CARD18: variants seen among roughly 807,000 people sequenced by gnomAD.
CARD18 encodes the protein caspase recruitment domain-containing protein 18.
In CARD18, 7 loss-of-function variants were observed where a neutral mutation model predicts 7.9. That is an observed-to-expected ratio of 0.88 (90% confidence interval 0.50 to 1.66). CARD18 has a LOEUF of 1.66. Ranked by LOEUF, CARD18 falls within the 40% of genes most tolerant of loss-of-function variation. The probability of loss-of-function intolerance (pLI) is 0.00; values close to 1 mark genes in which losing one functional copy is unlikely to be tolerated. For missense variants in CARD18, 134 were observed against 105.5 expected, an observed-to-expected ratio of 1.27 and a Z score of -1.18; for synonymous variants, 34 against 34.8, an observed-to-expected ratio of 0.98 and a Z score of 0.08.
At chr11:105,139,688 T>C (rs892540807) in intron 1 of CARD18, 32 bp downstream of exon 1, 4 of 1,598,178 alleles carry the variant, frequency 2.5e-6, no homozygotes, top group South Asian at 1.1e-5. Flanking sequence ...AATTCCTCCC[T>C]AAGACCTATC....
At position 105,139,649 on chromosome 11, in the gene CARD18, T is replaced by C. The variant is rs529881651; in HGVS notation, c.7+71A>G. The stretch of plus-strand genomic sequence containing the variant: ...TGCCCACACAAACCTTCACAAAGCC[T>C]AATGAGAAAGGCAGTCCTTTCCCAA... On this transcript the variant is annotated intron_variant, in intron 1 of 2. Transcript: ENST00000530950. 37 of 1,543,824 alleles carry C rather than the reference T, an allele frequency of 2.4e-5. No individual in the cohort carries two copies. The African/African-American group carries it at 3.5e-4, about 15-fold the overall frequency.
Position 105,138,116 on chromosome 11 carries a change from TG to T in CARD18, c.*2-19del, listed in dbSNP as rs984292414. 6.6e-6 allele frequency: 1 copy of T among 152,022 alleles called. No individual in the cohort carries two copies. The highest frequency in any genetic ancestry group is 1.5e-5 in the Non-Finnish European group (1 of 68,022). The allele number at this position is 152,022 out of a possible 1,614,324, so 9.4% of individuals were successfully genotyped here. Reference sequence around the variant, plus strand: ...TCTTCTCTCTGTGGAGGGAGAAAAGTGGTATTGGAATGGGCCAGCTCAGATA... The same window carrying T: ...TCTTCTCTCTGTGGAGGGAGAAAAGTGTATTGGAATGGGCCAGCTCAGATA... On this transcript the variant is annotated intron_variant, in intron 2 of 2. Transcript: ENST00000530950.
chr11:105,139,255 A>C, intron 1 of CARD18, 177 bp from the exon 2 acceptor site: 2 of 655,216 alleles, frequency 3.1e-6, no homozygotes, highest in East Asian at 2.8e-5. Context: ...CATTACCTAC[A>C]TATGCTCACT....
intron 1 of CARD18, chr11:105,139,281 C>A (rs1221141482): frequency 8.5e-6 from 5 of 586,148 alleles, no homozygotes; most frequent in Non-Finnish European, 1.2e-5. Flanking sequence ...ACCTGGGAAA[C>A]TTGACTTCAT....
Position 105,137,929 on chromosome 11 carries a change from A to T in CARD18, c.*171T>A, listed in dbSNP as rs1304505726. The T allele has an allele frequency of 6.6e-6, 1 of 152,206 alleles. No homozygotes were observed. Among genetic ancestry groups the T allele is most frequent in the African/African-American group, 2.4e-5 (1 of 41,462 alleles). 9.4% of individuals were successfully genotyped at this position (152,206 alleles called of 1,614,324 possible). On this transcript the variant is annotated 3_prime_UTR_variant, in exon 3 of 3. Transcript: ENST00000530950. ...CTGTTGGTATGAGGAGAGAAAGAAT[A>T]AGAAGAAAGTAATATGAGAGAATGA...
At position 105,139,747 on chromosome 11, in the gene CARD18, G is replaced by A; in HGVS notation, c.-21C>T. 6.3e-7 allele frequency: 1 copy of A among 1,598,722 alleles called. No individual in the cohort carries two copies. The highest frequency in any genetic ancestry group is 8.5e-7 in the Non-Finnish European group (1 of 1,179,252). On this transcript the variant is annotated 5_prime_UTR_variant, in exon 1 of 3. Transcript: ENST00000530950. ...GCCATGGCTCCTCACGTTGGCACTT[G>A]CAATGTGTGTTACACTTGCAATGAC...
chr11:105,138,600 T>C (rs1322099843), intron 2 of CARD18, among the ~76,000 whole-genome samples: 1 of 152,072 alleles, frequency 6.6e-6, no homozygotes, highest in Non-Finnish European at 1.5e-5. Context: ...AGAGATGAGC[T>C]GTGGTCAGCA....
intron 1 of CARD18, chr11:105,139,518 T>C: frequency 1.7e-6 from 1 of 590,094 alleles, no homozygotes; most frequent in East Asian, 2.8e-5. Context: ...ACCAGTAGGA[T>C]CCCAGATTCT....
rs1865437964 is a variant in CARD18, at chr11:105,138,846, G to T, written c.240C>A (p.Asp80Glu). The change falls in exon 2 of 3, where the codon GAC becomes GAA. Residue 80 changes from aspartate to glutamate, a missense_variant. Physicochemically the swap from Asp to Glu is conservative, Grantham distance 45. Coordinates refer to ENST00000530950, the MANE Select transcript of CARD18 (RefSeq NM_021571.4). ...CKFIKHLCEE[D>E]PQLASKMGLH ...AACCCATCTTTGAGGCAAGTTGAGG[G>T]TCTTCTTCACAGAGATGCTTGATAA... 1 of 1,613,578 alleles carries T rather than the reference G, an allele frequency of 6.2e-7. No individual in the cohort carries two copies. The highest frequency in any genetic ancestry group is 1.7e-5 in the Admixed American group (1 of 59,982).
rs189122749 is a variant in CARD18 at position 105,138,430 on chromosome 11, A to G, written c.*2-332T>C. On this transcript the variant is annotated intron_variant, in intron 2 of 2. Coordinates refer to ENST00000530950, the MANE Select transcript of CARD18 (RefSeq NM_021571.4). The stretch of plus-strand genomic sequence containing the variant: ...GGGTAAGAGCAGGGTGGTAGGTACA[A>G]AAAGAGCTTATACCTTCTCTTCTAA... 3.0e-3 allele frequency among the ~76,000 whole-genome samples: 454 copies of G among 152,268 alleles called. 3 individuals carry two copies. The highest frequency in any genetic ancestry group is 5.3e-3 in the Non-Finnish European group (361 of 68,016).
Position 105,139,216 on chromosome 11 carries a change from T to C in CARD18, c.8-138A>G, listed in dbSNP as rs1029582868. The C allele has an allele frequency of 1.3e-5, 11 of 879,624 alleles. No homozygotes were observed. The Admixed American group carries it at 2.5e-4, about 20-fold the overall frequency. The allele number at this position is 879,624 out of a possible 1,614,324, so 54.5% of individuals were successfully genotyped here. On this transcript the variant is annotated intron_variant, in intron 1 of 2. Coordinates refer to ENST00000530950, the MANE Select transcript of CARD18 (RefSeq NM_021571.4). Reference sequence around the variant, plus strand: ...AAGGAACGGTCTTATACCTTTGCATTTACTCCACGTACTTCCTTCTGATTC... The same window carrying C: ...AAGGAACGGTCTTATACCTTTGCATCTACTCCACGTACTTCCTTCTGATTC...
chr11:105,138,836 C>T lies in CARD18; in HGVS notation c.250G>A (p.Ala84Thr), dbSNP rs769818902. ...CCTTAGTGCAAACCCATCTTTGAGGCAAGTTGAGGGTCTTCTTCACAGAGA... is the reference window on the plus strand; with the variant it reads ...CCTTAGTGCAAACCCATCTTTGAGGTAAGTTGAGGGTCTTCTTCACAGAGA... ...KHLCEEDPQL[A>T]SKMGLH is the part of the protein sequence containing the mutation. Residue 84 changes from alanine to threonine, a missense_variant, in exon 2 of 3, where the codon GCC becomes ACC. Physicochemically the swap from Ala to Thr is moderately conservative, Grantham distance 58 (BLOSUM62 0). Coordinates refer to ENST00000530950, the MANE Select transcript of CARD18 (RefSeq NM_021571.4). The T allele has an allele frequency of 3.1e-6, 5 of 1,613,566 alleles. No individual in the cohort carries two copies. In the South Asian group the frequency reaches 4.4e-5, roughly 14 times the overall value.
At chr11:105,139,657 A>G in intron 1 of CARD18, 63 bp downstream of exon 1, 3 of 1,569,672 alleles carry the variant, frequency 1.9e-6, no homozygotes, top group Non-Finnish European at 2.6e-6. Flanking sequence ...CCTAATGAGA[A>G]AGGCAGTCCT....
Position 105,139,767 on chromosome 11 carries a change from A to G in CARD18, c.-41T>C, listed in dbSNP as rs951109733. 1 of 1,597,752 alleles carries G rather than the reference A, an allele frequency of 6.3e-7. No homozygotes were observed. The highest frequency in any genetic ancestry group is 1.3e-5 in the African/African-American group (1 of 74,986). Reference sequence around the variant, plus strand: ...CACTTGCAATGTGTGTTACACTTGCAATGACAGGCAAGGTAGCTCTATCCT... The same window carrying G: ...CACTTGCAATGTGTGTTACACTTGCGATGACAGGCAAGGTAGCTCTATCCT... On this transcript the variant is annotated 5_prime_UTR_variant, in exon 1 of 3. Transcript: ENST00000530950.
At chr11:105,138,750 A>T in intron 2 of CARD18, 62 bp downstream of exon 2, 1 of 1,562,436 alleles carries the variant, frequency 6.4e-7, no homozygotes, top group Non-Finnish European at 8.7e-7. Flanking sequence ...AGTGAAGAAA[A>T]TCATAACTGA....
Position 105,138,922 on chromosome 11 carries a change from C to A in CARD18, c.164G>T (p.Arg55Leu). The change falls in exon 2 of 3, where the codon CGA becomes CTA. Residue 55 changes from arginine to leucine, a missense_variant. Physicochemically the swap from Arg to Leu is moderately radical, Grantham distance 102. Transcript: ENST00000530950. ...TCCAGTAACAAGGTCAATCAAGACTCGAGCCTTATCCATGACAGTGTCATT... is the reference window on the plus strand; with the variant it reads ...TCCAGTAACAAGGTCAATCAAGACTAGAGCCTTATCCATGACAGTGTCATT... ...DENDTVMDKA[R>L]VLIDLVTGKG... 1 of 1,613,718 alleles carries A rather than the reference C, an allele frequency of 6.2e-7. No individual in the cohort carries two copies. Among genetic ancestry groups the A allele is most frequent in the Non-Finnish European group, 8.5e-7 (1 of 1,179,728 alleles).
chr11:105,138,986 C>T lies in CARD18; in HGVS notation c.100G>A (p.Val34Ile). 1 of 1,613,640 alleles carries T rather than the reference C, an allele frequency of 6.2e-7. No individual in the cohort carries two copies. Among genetic ancestry groups the T allele is most frequent in the Non-Finnish European group, 8.5e-7 (1 of 1,179,704 alleles). Residue 34 changes from valine to isoleucine, a missense_variant, in exon 2 of 3, where the codon GTT becomes ATT. By Grantham distance (29) the Val-to-Ile change is conservative (BLOSUM62 3). Transcript: ENST00000530950. ...TTGTTCATGTCTTCCTGGCTAATAA[C>T]TTCATCCTCTAATAGGCAATCCAGC... ...ALLDCLLEDE[V>I]ISQEDMNKVR...
At position 105,139,719 on chromosome 11, in the gene CARD18, C is replaced by T. The variant is rs1287197913; in HGVS notation, c.7+1G>A. The T allele has an allele frequency of 6.3e-7, 1 of 1,598,984 alleles. No individual in the cohort carries two copies. Among genetic ancestry groups the T allele is most frequent in the South Asian group, 1.1e-5 (1 of 91,054 alleles). On this transcript the variant is annotated splice_donor_variant, in intron 1 of 2. Coordinates refer to ENST00000530950, the MANE Select transcript of CARD18 (RefSeq NM_021571.4). LOFTEE classifies it high-confidence loss of function. The stretch of plus-strand genomic sequence containing the variant: ...CTATCCTCTTACTGGGGAAGACTCA[C>T]CAGCCATGGCTCCTCACGTTGGCAC...
At chr11:105,139,638 T>C in intron 1 of CARD18, 82 bp downstream of exon 1, 1 of 1,516,482 alleles carries the variant, frequency 6.6e-7, no homozygotes, top group Admixed American at 1.7e-5. Flanking sequence ...CACACAAACC[T>C]TCACAAAGCC....
Sources: gnomAD v4.1 joint callset for allele counts (sites outside exome capture counted in the v4.1 genomes callset) on GRCh38, gnomAD v4.1.1 for gene constraint, MANE v1.5 for transcripts, NCBI Gene and HGNC (gene_info 2026-07-23, HGNC 2026-07-21) for gene names.